MAST2: variants seen among roughly 807,000 people sequenced by gnomAD.
MAST2 encodes the protein microtubule associated serine/threonine kinase 2, also known as microtubule-associated serine/threonine-protein kinase 2.
In MAST2, 70 loss-of-function variants were observed where a neutral mutation model predicts 147.4. The ratio of observed to expected loss-of-function variants is 0.47; its 90% CI spans 0.39 to 0.58. The LOEUF is 0.58. Ranked by LOEUF, MAST2 falls within the 20% of genes least tolerant of loss-of-function variation. The pLI is 0.00. For synonymous variants in MAST2, 869 were observed against 896.8 expected (o/e 0.97, Z 0.55); for missense variants, 2,080 against 2,302.3 (o/e 0.90, Z 1.98).
chr1:45,868,124 ACT>A lies in MAST2; in HGVS notation c.469-14239_469-14238del, dbSNP rs1299490473. 2.0e-5 allele frequency among the ~76,000 whole-genome samples: 3 copies of A among 152,080 alleles called. No homozygotes were observed. In the East Asian group the frequency reaches 5.8e-4, roughly 29 times the overall value. On this transcript the variant is annotated intron_variant, in intron 3 of 28. Coordinates refer to ENST00000361297, the MANE Select transcript of MAST2 (RefSeq NM_015112.3). Reference sequence around the variant, plus strand: ...AGCCTCTGTCGGTGTAGGAATTGACACTGTTTTGCTTGAAAAGCTGTTCAAGT... The same window carrying A: ...AGCCTCTGTCGGTGTAGGAATTGACAGTTTTGCTTGAAAAGCTGTTCAAGT...
At chr1:45,848,689 T>C (rs1008053396) in intron 3 of MAST2, among the ~76,000 whole-genome samples, 2 of 152,090 alleles carry the variant, frequency 1.3e-5, no homozygotes, top group African/African-American at 2.4e-5. Context: ...CTGACACAGG[T>C]AGTCTTTGAA....
chr1:45,817,785 A>G (rs1347000523), intron 1 of MAST2, among the ~76,000 whole-genome samples: 1 of 152,230 alleles, frequency 6.6e-6, no homozygotes, highest in Admixed American at 6.5e-5. Context: ...ATAGTATGGT[A>G]TTAGGTTGTT....
At chr1:45,808,228 T>G (rs1644196155) in intron 1 of MAST2, among the ~76,000 whole-genome samples, 1 of 152,146 alleles carries the variant, frequency 6.6e-6, no homozygotes. Context: ...TATCCATGGC[T>G]TTTTTTGTTT....
intron 3 of MAST2, 146 bp downstream of exon 3, chr1:45,829,727 T>C: frequency 1.2e-6 from 1 of 852,328 alleles, no homozygotes; most frequent in Non-Finnish European, 1.7e-6. Context: ...TTTATTATTA[T>C]TTTTTTTAGA....
intron 4 of MAST2, among the ~76,000 whole-genome samples, chr1:45,937,806 G>A (rs560262013): frequency 3.6e-4 from 51 of 142,778 alleles, no homozygotes; most frequent in African/African-American, 1.1e-3. Context: ...GCAATTCAAC[G>A]TAAGCGATTC....
chr1:45,810,857 CTT>C (rs1221701114), intron 1 of MAST2, among the ~76,000 whole-genome samples: 10 of 119,926 alleles, frequency 8.3e-5, no homozygotes, highest in East Asian at 2.7e-4. Context: ...GCAGTATATT[CTT>C]TTTTTTTTTT....
intron 1 of MAST2, among the ~76,000 whole-genome samples, chr1:45,814,990 C>T (rs1279688535): frequency 6.6e-6 from 1 of 152,046 alleles, no homozygotes; most frequent in Non-Finnish European, 1.5e-5. Context: ...AAAAATTCAG[C>T]CCAAGGGAAC....
At chr1:45,984,610 A>G (rs1644542757) in intron 5 of MAST2, among the ~76,000 whole-genome samples, 1 of 152,152 alleles carries the variant, frequency 6.6e-6, no homozygotes, top group Non-Finnish European at 1.5e-5. Flanking sequence ...CCCCTGGCCT[A>G]TTTTTTATCT....
intron 3 of MAST2, among the ~76,000 whole-genome samples, chr1:45,852,504 G>A (rs1645654307): frequency 6.6e-6 from 1 of 151,390 alleles, no homozygotes; most frequent in Non-Finnish European, 1.5e-5. Context: ...TGGGATCACA[G>A]GCACAAGCCA....
chr1:46,004,791 G>A (rs1206845904), intron 7 of MAST2, among the ~76,000 whole-genome samples: 1 of 152,314 alleles, frequency 6.6e-6, no homozygotes, highest in East Asian at 1.9e-4. Flanking sequence ...AATGGATTTA[G>A]ATATTTAAAC....
At chr1:45,922,715 G>A (rs1380154066) in intron 4 of MAST2, among the ~76,000 whole-genome samples, 4 of 152,156 alleles carry the variant, frequency 2.6e-5, no homozygotes, top group Non-Finnish European at 5.9e-5. Flanking sequence ...GCAGCAGGGC[G>A]GTGGTGGCTG....
rs527362841 is a variant in MAST2, at chr1:46,027,945, C to A, written c.2052+82C>A. 32 of 1,526,724 alleles carry A rather than the reference C, an allele frequency of 2.1e-5. No individual in the cohort carries two copies. The African/African-American group carries it at 4.2e-4, about 20-fold the overall frequency. The allele number at this position is 1,526,724 out of a possible 1,614,324, so 94.6% of individuals were successfully genotyped here. ...AGTGTCTTACGCCCGTAATCCCAAC[C>A]CTTTGGGAGGCTGAGGCAGGAGGAT... On this transcript the variant is annotated intron_variant, in intron 17 of 28. Transcript: ENST00000361297.
At chr1:45,978,860 A>T (rs1210642061) in intron 5 of MAST2, among the ~76,000 whole-genome samples, 1 of 152,192 alleles carries the variant, frequency 6.6e-6, no homozygotes, top group African/African-American at 2.4e-5. Context: ...CTAACACTCG[A>T]GTAGAGGGAA....
At chr1:45,926,212 C>CA (rs1248240423) in intron 4 of MAST2, among the ~76,000 whole-genome samples, 3 of 152,164 alleles carry the variant, frequency 2.0e-5, no homozygotes, top group Admixed American at 6.5e-5. Flanking sequence ...AAATGGGACT[C>CA]ACAATAGTAT....
intron 4 of MAST2, among the ~76,000 whole-genome samples, 186 bp from the exon 5 acceptor site, chr1:45,959,200 A>G (rs189996483): frequency 7.9e-5 from 12 of 152,284 alleles, no homozygotes; most frequent in Admixed American, 4.6e-4. Context: ...AAGTTATTCC[A>G]AGGAGGAACA....
At chr1:45,832,425 G>C (rs1251429711) in intron 3 of MAST2, among the ~76,000 whole-genome samples, 3 of 151,802 alleles carry the variant, frequency 2.0e-5, no homozygotes, top group South Asian at 4.2e-4. Context: ...CTCCCGAGTA[G>C]CTGGGATTAC....
chr1:46,030,115 T>A lies in MAST2; in HGVS notation c.2444-14T>A. 1 of 1,613,670 alleles carries A rather than the reference T, an allele frequency of 6.2e-7. No homozygotes were observed. ...CAGGGCTCTGAAGGAAAGTGTCCTT[T>A]ATGTCTGGCCCAGCCCGCTCAGAGC... is the stretch of plus-strand genomic sequence containing the variant. On this transcript the variant is annotated splice_polypyrimidine_tract_variant and intron_variant, in intron 20 of 28. Transcript: ENST00000361297.
At chr1:45,883,937 T>G (rs978019287) in intron 4 of MAST2, among the ~76,000 whole-genome samples, 4 of 61,602 alleles carry the variant, frequency 6.5e-5, no homozygotes, top group Non-Finnish European at 9.5e-5. Context: ...TTTTGGTTGC[T>G]TCTATTTGAA....
chr1:45,965,414 T>C (rs913234431), intron 5 of MAST2, among the ~76,000 whole-genome samples: 15 of 152,358 alleles, frequency 9.8e-5, no homozygotes, highest in African/African-American at 3.6e-4. Flanking sequence ...GCTCCTGTAT[T>C]GGGTGCACAT....
Sources: allele counts gnomAD v4.1 joint callset (sites outside exome capture counted in the v4.1 genomes callset), GRCh38; gene constraint gnomAD v4.1.1; transcripts MANE v1.5; gene names NCBI Gene and HGNC (gene_info 2026-07-23, HGNC 2026-07-21).